The following EBF1 variants were observed in gnomAD, a reference collection of about 807,000 sequenced individuals.
The protein encoded by EBF1 is transcription factor COE1.
In EBF1, 10 loss-of-function variants were observed where a neutral mutation model predicts 68.4. The observed-to-expected ratio is 0.15, with a 90% CI of 0.09 to 0.25. The LOEUF (loss-of-function observed/expected upper bound fraction) is 0.25. Among genes scored for constraint, EBF1 ranks in the 10% least tolerant of loss-of-function variants. EBF1 has a pLI of 1.00. For missense variants in EBF1, 509 were observed against 794.4 expected (o/e 0.64, Z 4.32); for synonymous variants, 298 against 299.8 (o/e 0.99, Z 0.06).
At chr5:159,099,322 C>A in intron 1 of EBF1, 23 bp downstream of exon 1, 2 of 1,516,266 alleles carry the variant, frequency 1.3e-6, no homozygotes, top group African/African-American at 1.4e-5. Flanking sequence ...TCACCTCGGC[C>A]GCGGTCCCCG....
chr5:158,874,006 T>C (rs1490518394), intron 6 of EBF1, among the ~76,000 whole-genome samples: 3 of 152,178 alleles, frequency 2.0e-5, no homozygotes, highest in Non-Finnish European at 4.4e-5. Flanking sequence ...AGAGAAAATA[T>C]TGATCAGCCT....
intron 6 of EBF1, among the ~76,000 whole-genome samples, chr5:158,911,516 G>A (rs1805972782): frequency 6.6e-6 from 1 of 152,082 alleles, no homozygotes; most frequent in Admixed American, 6.6e-5. Flanking sequence ...GGTGGAGAGG[G>A]GAAGAAATGA....
rs566927083 is a variant in EBF1 at position 158,696,171 on chromosome 5, T to A, written c.*2940A>T. 3.7e-5 allele frequency: 8 copies of A among 216,644 alleles called. No homozygotes were observed. Among genetic ancestry groups the A allele is most frequent in the African/African-American group, 1.6e-4 (7 of 44,546 alleles). 13.4% of individuals were successfully genotyped at this position (216,644 alleles called of 1,614,324 possible). A position where few individuals can be genotyped will look rare whatever the true frequency, so the allele number is the denominator to read the frequency against. ...GCCAGGGCAATGTTATGCAATCCAG[T>A]CATCCAGAAGCTGTATTTTTTCCCC... is the stretch of plus-strand genomic sequence containing the variant. On this transcript the variant is annotated 3_prime_UTR_variant, in exon 16 of 16. Transcript: ENST00000313708.
In EBF1 at chr5:159,075,492, G is replaced by A. The variant is rs187888345; in HGVS notation, c.486-2028C>T. 1.6e-4 allele frequency among the ~76,000 whole-genome samples: 24 copies of A among 152,198 alleles called. 1 individual carries two copies. Among genetic ancestry groups the A allele is most frequent in the Admixed American group, 1.6e-3 (24 of 15,286 alleles). On this transcript the variant is annotated intron_variant, in intron 5 of 15. Transcript: ENST00000313708. ...TGCAAGCTGCCCACAGACCTGCCTG[G>A]GAGAAATGTCCTCCAGGAACTCCTC...
intron 6 of EBF1, among the ~76,000 whole-genome samples, chr5:158,956,355 C>G (rs1817069919): frequency 6.6e-6 from 1 of 151,924 alleles, no homozygotes; most frequent in African/African-American, 2.4e-5. Flanking sequence ...ACATTTGTAA[C>G]CATTAAAAGA....
intron 6 of EBF1, among the ~76,000 whole-genome samples, chr5:159,020,710 G>A (rs1049019213): frequency 6.6e-6 from 1 of 152,158 alleles, no homozygotes; most frequent in Non-Finnish European, 1.5e-5. Flanking sequence ...TTCCCAGCTG[G>A]ATTGTAAACT....
At chr5:159,002,999 AT>A (rs1418937594) in intron 6 of EBF1, among the ~76,000 whole-genome samples, 1 of 152,226 alleles carries the variant, frequency 6.6e-6, no homozygotes, top group African/African-American at 2.4e-5. Context: ...CTCTTTACTC[AT>A]GATGCAAGTT....
rs185213870 is a variant in EBF1 at position 158,789,158 on chromosome 5, T to C, written c.909+7187A>G. Among the ~76,000 whole-genome samples the C allele has an allele frequency of 2.6e-3, 395 of 152,282 alleles. 4 individuals are homozygous for C. Among genetic ancestry groups the C allele is most frequent in the African/African-American group, 9.1e-3 (377 of 41,560 alleles). On this transcript the variant is annotated intron_variant, in intron 9 of 15. Coordinates refer to ENST00000313708, the MANE Select transcript of EBF1 (RefSeq NM_024007.5). ...ATAATTTTGCACAAAGCAACTTCTA[T>C]ATAATAGATGGTCAATAAGCACAGG...
At chr5:158,981,885 C>T (rs955758518) in intron 6 of EBF1, among the ~76,000 whole-genome samples, 3 of 152,082 alleles carry the variant, frequency 2.0e-5, no homozygotes, top group African/African-American at 4.8e-5. Context: ...AAAAGTCCAG[C>T]GGACACATAT....
chr5:158,749,390 G>A (rs1312594240), intron 10 of EBF1, among the ~76,000 whole-genome samples: 2 of 152,086 alleles, frequency 1.3e-5, no homozygotes, highest in African/African-American at 4.8e-5. Context: ...AATAAACTCA[G>A]AATCTAATAG....
chr5:158,745,321 T>C lies in EBF1; in HGVS notation c.1037-14164A>G, dbSNP rs559679014. ...GAAAAGCAAGTAATAAAGCACCACA[T>C]AAAAAATAATGGTGTAATTACTTCT... is the stretch of plus-strand genomic sequence containing the variant. On this transcript the variant is annotated intron_variant, in intron 10 of 15. Coordinates refer to ENST00000313708, the MANE Select transcript of EBF1 (RefSeq NM_024007.5). Among the ~76,000 whole-genome samples, 50 of 152,258 alleles carry C rather than the reference T, an allele frequency of 3.3e-4. No homozygotes were observed. In the South Asian group the frequency reaches 9.3e-3, roughly 28 times the overall value.
At chr5:159,057,769 G>A (rs76982926) in intron 6 of EBF1, among the ~76,000 whole-genome samples, 1 of 152,128 alleles carries the variant, frequency 6.6e-6, no homozygotes, top group African/African-American at 2.4e-5. Context: ...AAATGGAATC[G>A]TGGTCTCTTC....
intron 6 of EBF1, among the ~76,000 whole-genome samples, chr5:159,045,179 T>G (rs1463209884): frequency 3.3e-5 from 5 of 152,194 alleles, no homozygotes; most frequent in Admixed American, 3.3e-4. Context: ...ATTTTTGGCA[T>G]TCAAGATCAG....
chr5:158,897,864 G>A (rs1379645523), intron 6 of EBF1, among the ~76,000 whole-genome samples: 1 of 152,202 alleles, frequency 6.6e-6, no homozygotes, highest in East Asian at 1.9e-4. Context: ...GAAGAGTGGT[G>A]TGAGCTTTGA....
chr5:158,856,832 G>C (rs1016534938), intron 6 of EBF1, among the ~76,000 whole-genome samples: 1 of 152,160 alleles, frequency 6.6e-6, no homozygotes, highest in Non-Finnish European at 1.5e-5. Flanking sequence ...GTGCTCATAA[G>C]AACTGCAACT....
intron 6 of EBF1, among the ~76,000 whole-genome samples, chr5:158,906,850 A>T: frequency 6.6e-6 from 1 of 152,238 alleles, no homozygotes; most frequent in East Asian, 1.9e-4. Context: ...GAGGAGACAC[A>T]GTCCCTGCTC....
intron 6 of EBF1, among the ~76,000 whole-genome samples, chr5:158,966,739 G>T (rs1319996944): frequency 6.6e-6 from 1 of 152,182 alleles, no homozygotes; most frequent in East Asian, 1.9e-4. Context: ...AGTTAAACTT[G>T]TCCCCCCGAA....
At position 158,770,867 on chromosome 5, in the gene EBF1, A is replaced by G. The variant is rs17056200; in HGVS notation, c.1036+6546T>C. On this transcript the variant is annotated intron_variant, in intron 10 of 15. Transcript: ENST00000313708. ...CGCTGTTTCTTTCTGGACACGTACC[A>G]GGTTTGAAATAGTAAACTTATGAAC... is the stretch of plus-strand genomic sequence containing the variant. 0.03 allele frequency among the ~76,000 whole-genome samples: 4,566 copies of G among 152,242 alleles called. 463 individuals carry two copies. In the East Asian group the frequency reaches 0.32, roughly 11 times the overall value.
At chr5:158,882,633 A>G (rs556443200) in intron 6 of EBF1, among the ~76,000 whole-genome samples, 1 of 152,368 alleles carries the variant, frequency 6.6e-6, no homozygotes, top group East Asian at 1.9e-4. Context: ...ACCTTATCAC[A>G]ACAATGAGTC....
Sources: gnomAD v4.1 joint callset for allele counts (sites outside exome capture counted in the v4.1 genomes callset) on GRCh38, gnomAD v4.1.1 for gene constraint, MANE v1.5 for transcripts, NCBI Gene and HGNC (gene_info 2026-07-23, HGNC 2026-07-21) for gene names.